The following RBFOX1 variants were observed in gnomAD, a reference collection of about 807,000 sequenced individuals.
The protein encoded by RBFOX1 is RNA binding fox-1 homolog 1.
RBFOX1 carries 8 observed loss-of-function variants against 57.7 expected under a neutral mutation model. That is an observed-to-expected ratio of 0.14 (90% CI 0.08 to 0.25). The LOEUF is 0.25. Ranked by LOEUF, RBFOX1 falls within the 10% of genes least tolerant of loss-of-function variation. RBFOX1 has a pLI of 1.00. For missense variants in RBFOX1, 611 were observed against 548.5 expected, an observed-to-expected ratio of 1.11 and a Z score of -1.14; for synonymous variants, 326 against 222.4, an observed-to-expected ratio of 1.47 and a Z score of -4.15.
chr16:5,495,216 G>C (rs895812474), intron 2 of RBFOX1, among the ~76,000 whole-genome samples: 2 of 152,180 alleles, frequency 1.3e-5, no homozygotes, highest in Non-Finnish European at 2.9e-5. Flanking sequence ...GAAATAGAAA[G>C]AATTAACTTC....
rs544061973 is a variant in RBFOX1 at position 5,894,910 on chromosome 16, C to T, written c.351+27575C>T. Among the ~76,000 whole-genome samples, 3 of 152,218 alleles carry T rather than the reference C, an allele frequency of 2.0e-5. No homozygotes were observed. In the South Asian group the frequency reaches 6.2e-4, roughly 32 times the overall value. On this transcript the variant is annotated intron_variant, in intron 4 of 19. Coordinates refer to the RBFOX1 transcript ENST00000641259. The stretch of plus-strand genomic sequence containing the variant: ...GGTGGCAGGTGCCTGTAGTCCCCTT[C>T]TACTCTGGAGGCTGAGGCAGGAGAA...
chr16:6,528,895 A>G (rs769560166), intron 2 of RBFOX1, among the ~76,000 whole-genome samples: 1 of 152,210 alleles, frequency 6.6e-6, no homozygotes, highest in Non-Finnish European at 1.5e-5. Context: ...GGTGGAAGAA[A>G]TTGGTGTAGG....
intron 3 of RBFOX1, among the ~76,000 whole-genome samples, chr16:5,799,021 A>G (rs1489412513): frequency 6.6e-6 from 1 of 152,092 alleles, no homozygotes; most frequent in Non-Finnish European, 1.5e-5. Context: ...TCATGCTGCT[A>G]ATGAAGACAT....
chr16:6,714,277 C>G (rs934053630), intron 3 of RBFOX1, among the ~76,000 whole-genome samples: 2 of 152,144 alleles, frequency 1.3e-5, no homozygotes, highest in African/African-American at 2.4e-5. Context: ...ATAAATGACC[C>G]AGTCTCAGGC....
intron 13 of RBFOX1, among the ~76,000 whole-genome samples, chr16:7,674,472 C>A (rs773473670): frequency 2.0e-5 from 3 of 152,162 alleles, no homozygotes; most frequent in Non-Finnish European, 2.9e-5. Context: ...AGCAATGAGA[C>A]CACTGATCAA....
chr16:7,521,797 G>A (rs560535007), intron 5 of RBFOX1, among the ~76,000 whole-genome samples: 1 of 152,228 alleles, frequency 6.6e-6, no homozygotes, highest in African/African-American at 2.4e-5. Flanking sequence ...AGAAAACTCA[G>A]TAGGAAGCAT....
intron 1 of RBFOX1, among the ~76,000 whole-genome samples, chr16:6,273,912 G>A (rs1367763451): frequency 2.6e-5 from 4 of 151,990 alleles, no homozygotes; most frequent in Admixed American, 6.6e-5. Context: ...TACTGAAGAG[G>A]ATACACAGAT....
intron 3 of RBFOX1, among the ~76,000 whole-genome samples, chr16:6,986,114 C>A (rs2090194247): frequency 6.6e-6 from 1 of 150,976 alleles, no homozygotes; most frequent in African/African-American, 2.4e-5. Flanking sequence ...TTGAAAAATT[C>A]TAAACATGAA....
chr16:6,494,373 C>G (rs1301786048), intron 2 of RBFOX1, among the ~76,000 whole-genome samples: 2 of 152,178 alleles, frequency 1.3e-5, no homozygotes, highest in Non-Finnish European at 2.9e-5. Flanking sequence ...CTCTCGCGAC[C>G]ACCTGCCCCT....
At chr16:6,859,129 A>ATATATATATATGTATATATATGTG (rs1567592071) in intron 3 of RBFOX1, among the ~76,000 whole-genome samples, 1 of 75,684 alleles carries the variant, frequency 1.3e-5, no homozygotes, top group African/African-American at 8.2e-5. Flanking sequence ...ATATATATAT[A>ATATATATATATGTATATATATGTG]CATATATATA....
At chr16:6,195,399 A>G (rs2097173244) in intron 1 of RBFOX1, among the ~76,000 whole-genome samples, 1 of 152,142 alleles carries the variant, frequency 6.6e-6, no homozygotes, top group Admixed American at 6.5e-5. Flanking sequence ...AGAAAAATTT[A>G]TGGCCTTTAG....
intron 4 of RBFOX1, among the ~76,000 whole-genome samples, chr16:7,107,631 C>G (rs1177808063): frequency 6.6e-6 from 1 of 152,100 alleles, no homozygotes; most frequent in East Asian, 1.9e-4. Context: ...TCTTTCCGCT[C>G]CTCCCCTTCC....
chr16:6,846,421 G>C (rs556824234), intron 3 of RBFOX1, among the ~76,000 whole-genome samples: 1 of 152,252 alleles, frequency 6.6e-6, no homozygotes, highest in South Asian at 2.1e-4. Context: ...ACATGGACAA[G>C]GACAAACAAG....
At chr16:6,636,923 TTATG>T (rs1352659905) in intron 2 of RBFOX1, among the ~76,000 whole-genome samples, 1 of 124,684 alleles carries the variant, frequency 8.0e-6, no homozygotes, top group Non-Finnish European at 1.6e-5. Flanking sequence ...TATGTATAAA[TTATG>T]TATAAATATA....
At chr16:6,897,373 A>T (rs1027947956) in intron 3 of RBFOX1, among the ~76,000 whole-genome samples, 4 of 152,186 alleles carry the variant, frequency 2.6e-5, no homozygotes, top group Non-Finnish European at 4.4e-5. Flanking sequence ...ATTGCACTCC[A>T]GCCGGGGTGA....
At chr16:5,541,590 C>A (rs534086216) in intron 2 of RBFOX1, among the ~76,000 whole-genome samples, 52 of 152,174 alleles carry the variant, frequency 3.4e-4, no homozygotes, top group African/African-American at 1.3e-3. Context: ...ATCAGATATG[C>A]GTTTATCTCA....
At chr16:5,387,058 A>G (rs2066278891) in intron 1 of RBFOX1, among the ~76,000 whole-genome samples, 1 of 152,208 alleles carries the variant, frequency 6.6e-6, no homozygotes, top group Non-Finnish European at 1.5e-5. Context: ...TCTCAAAAAA[A>G]TAAAAATAAA....
chr16:6,537,457 A>C (rs1217489700), intron 2 of RBFOX1, among the ~76,000 whole-genome samples: 1 of 152,214 alleles, frequency 6.6e-6, no homozygotes, highest in African/African-American at 2.4e-5. Context: ...CAGTATAGAT[A>C]GACACAGTGC....
At chr16:6,157,724 G>T (rs2096848531) in intron 1 of RBFOX1, among the ~76,000 whole-genome samples, 1 of 152,126 alleles carries the variant, frequency 6.6e-6, no homozygotes, top group Admixed American at 6.5e-5. Context: ...GTAATTATAT[G>T]ATGCAAAATT....
Sources: gnomAD v4.1 joint callset for allele counts (sites outside exome capture counted in the v4.1 genomes callset) on GRCh38, gnomAD v4.1.1 for gene constraint, MANE v1.5 for transcripts, NCBI Gene and HGNC (gene_info 2026-07-23, HGNC 2026-07-21) for gene names.